The following AFAP1L2 variants were observed in gnomAD, a reference collection of about 807,000 sequenced individuals.
AFAP1L2 encodes actin filament associated protein 1 like 2.
A neutral mutation model predicts 99.3 loss-of-function variants in AFAP1L2; 46 were observed. The observed-to-expected ratio is 0.46, with a 90% CI of 0.37 to 0.59. The LOEUF is 0.59. Ranked by LOEUF, AFAP1L2 falls within the 20% of genes least tolerant of loss-of-function variation. The probability of loss-of-function intolerance (pLI) is 0.00; values close to 1 mark genes in which losing one functional copy is unlikely to be tolerated. For synonymous variants in AFAP1L2, 397 were observed against 419.1 expected (o/e 0.95, Z 0.64); for missense variants, 959 against 1,034.9 (o/e 0.93, Z 1.01).
At chr10:114,313,728 A>G in intron 7 of AFAP1L2, 143 bp downstream of exon 7, 2 of 833,452 alleles carry the variant, frequency 2.4e-6, no homozygotes, top group Non-Finnish European at 3.5e-6. Context: ...CAGAAGACAG[A>G]TCGTTACCAC....
the AFAP1L2 span, among the ~76,000 whole-genome samples, chr10:114,287,737 A>G: frequency 6.6e-5 from 10 of 152,296 alleles, no homozygotes; most frequent in East Asian, 1.9e-3. Context: ...AATAATTGAC[A>G]ATAGTGGAGA....
chr10:114,316,419 G>A (rs953565390), intron 5 of AFAP1L2, among the ~76,000 whole-genome samples: 2 of 152,184 alleles, frequency 1.3e-5, no homozygotes, highest in South Asian at 4.1e-4. Context: ...CCCTCTCCCA[G>A]TCATAGCCCT....
intron 4 of AFAP1L2, among the ~76,000 whole-genome samples, chr10:114,328,164 C>T (rs1316940818): frequency 6.6e-6 from 1 of 152,094 alleles, no homozygotes; most frequent in African/African-American, 2.4e-5. Flanking sequence ...TCACTGTCCA[C>T]ACCCACGAGG....
intron 1 of AFAP1L2, 143 bp from the exon 2 acceptor site, chr10:114,340,874 T>TG: frequency 8.8e-7 from 1 of 1,134,514 alleles, no homozygotes; most frequent in Non-Finnish European, 1.3e-6. Flanking sequence ...TGGCAGCGTA[T>TG]GGGGGGACTG....
At chr10:114,378,985 G>A (rs4751671) in intron 1 of AFAP1L2, among the ~76,000 whole-genome samples, 70,011 of 152,038 alleles carry the variant, frequency 0.46, 18,109 homozygotes, top group East Asian at 0.67. Context: ...GCCGAGGCGG[G>A]CAGATCGCCT....
intron 1 of AFAP1L2, among the ~76,000 whole-genome samples, chr10:114,342,116 T>G (rs1215852281): frequency 6.6e-6 from 1 of 152,208 alleles, no homozygotes; most frequent in Non-Finnish European, 1.5e-5. Context: ...TCCTGAGATC[T>G]TATTGGGAAG....
chr10:114,289,582 C>T, the AFAP1L2 span: 89 of 1,444,942 alleles, frequency 6.2e-5, no homozygotes, highest in Non-Finnish European at 8.3e-5. Context: ...GGCAGCTCTT[C>T]CCAGCTACTG....
rs564265348 is a variant in AFAP1L2, at chr10:114,323,159, G to C, written c.406+12C>G. 1.3e-6 allele frequency: 2 copies of C among 1,581,784 alleles called. No individual in the cohort carries two copies. Among genetic ancestry groups the C allele is most frequent in the South Asian group, 2.3e-5 (2 of 86,534 alleles). The stretch of plus-strand genomic sequence containing the variant: ...TAAGTCACCCTCCCAAGCCCCAGCC[G>C]CTGGGATGTACCATTGAGGGATGTG... On this transcript the variant is annotated intron_variant, in intron 5 of 18. Transcript: ENST00000304129.
intron 4 of AFAP1L2, among the ~76,000 whole-genome samples, chr10:114,327,147 T>TTTTATATATATATATATA (rs1364666260): frequency 1.1e-4 from 6 of 54,538 alleles, no homozygotes; most frequent in Non-Finnish European, 2.9e-4. Context: ...TTATATATAT[T>TTTTATATATATATATATA]TATATATATA....
At chr10:114,298,163 A>G (rs1240369234) in intron 16 of AFAP1L2, among the ~76,000 whole-genome samples, 1 of 152,070 alleles carries the variant, frequency 6.6e-6, no homozygotes, top group African/African-American at 2.4e-5. Flanking sequence ...AGATCACTTA[A>G]GGCCAGGAGT....
chr10:114,289,035 C>A, the AFAP1L2 span: 2 of 1,614,216 alleles, frequency 1.2e-6, no homozygotes, highest in Non-Finnish European at 1.7e-6. Flanking sequence ...TTGTGAGAAG[C>A]TGTGCCCTCC....
intron 1 of AFAP1L2, among the ~76,000 whole-genome samples, chr10:114,401,911 T>C (rs1176113363): frequency 6.6e-6 from 1 of 152,156 alleles, no homozygotes; most frequent in Non-Finnish European, 1.5e-5. Context: ...CTTTATAAGA[T>C]TTGCAAATTA....
chr10:114,327,147 T>TTATATATATATATATATATATATTTA (rs2046423865), intron 4 of AFAP1L2, among the ~76,000 whole-genome samples: 2 of 54,538 alleles, frequency 3.7e-5, no homozygotes, highest in Non-Finnish European at 4.9e-5. Context: ...TTATATATAT[T>TTATATATATATATATATATATATTTA]TATATATATA....
At chr10:114,372,952 C>T (rs2054314413) in intron 1 of AFAP1L2, among the ~76,000 whole-genome samples, 1 of 152,222 alleles carries the variant, frequency 6.6e-6, no homozygotes, top group African/African-American at 2.4e-5. Flanking sequence ...CAGCTGTGCC[C>T]CATTCCTTTT....
chr10:114,357,102 C>A (rs2051497099), intron 1 of AFAP1L2, among the ~76,000 whole-genome samples: 1 of 152,104 alleles, frequency 6.6e-6, no homozygotes, highest in South Asian at 2.1e-4. Context: ...ATGTTTCAGC[C>A]AAAATTTGTC....
At chr10:114,388,158 G>T (rs1380188310) in intron 1 of AFAP1L2, among the ~76,000 whole-genome samples, 2 of 152,188 alleles carry the variant, frequency 1.3e-5, no homozygotes, top group Non-Finnish European at 1.5e-5. Context: ...GGAAGGGACA[G>T]TGGCCACTCA....
intron 6 of AFAP1L2, among the ~76,000 whole-genome samples, chr10:114,315,276 T>C (rs1181342108): frequency 6.7e-6 from 1 of 148,580 alleles, no homozygotes; most frequent in Non-Finnish European, 1.5e-5. Context: ...GATGTATCTG[T>C]CTCACAAAGA....
chr10:114,358,681 G>A (rs1450362074), intron 1 of AFAP1L2, among the ~76,000 whole-genome samples: 3 of 152,172 alleles, frequency 2.0e-5, no homozygotes, highest in African/African-American at 4.8e-5. Context: ...TTGGGAGCCT[G>A]AGGTGGGTGG....
At chr10:114,285,916 G>C in the AFAP1L2 span, 6 of 1,558,444 alleles carry the variant, frequency 3.8e-6, no homozygotes, top group Non-Finnish European at 5.2e-6. Flanking sequence ...GCTTGACAGT[G>C]GGTGTTGCTG....
Sources: gnomAD v4.1 joint callset for allele counts (sites outside exome capture counted in the v4.1 genomes callset) on GRCh38, gnomAD v4.1.1 for gene constraint, MANE v1.5 for transcripts, NCBI Gene and HGNC (gene_info 2026-07-23, HGNC 2026-07-21) for gene names.